The following OSBPL9 variants were observed in gnomAD, a reference collection of about 807,000 sequenced individuals.
OSBPL9 encodes the protein oxysterol binding protein like 9.
Under a neutral mutation model 106.6 loss-of-function variants are expected in OSBPL9, and 40 were observed. The ratio of observed to expected loss-of-function variants is 0.38; its 90% CI spans 0.29 to 0.49. The LOEUF is 0.49. OSBPL9 is among the 20% of genes least tolerant of loss of function. The probability of loss-of-function intolerance (pLI) is 0.97; values close to 1 mark genes in which losing one functional copy is unlikely to be tolerated. For missense variants in OSBPL9, 609 were observed against 887.2 expected (o/e 0.69, Z 3.98); for synonymous variants, 269 against 295.4 (o/e 0.91, Z 0.92).
rs950541997 is a variant in OSBPL9, at chr1:51,620,780, G to T, written c.111+3559G>T. Among the ~76,000 whole-genome samples, 3 of 152,190 alleles carry T rather than the reference G, an allele frequency of 2.0e-5. No homozygotes were observed. In the East Asian group the frequency reaches 5.8e-4, roughly 29 times the overall value. On this transcript the variant is annotated intron_variant, in intron 1 of 23. Transcript: ENST00000428468. ...ATTTGAACTTTATCCCCAGGGCAGT[G>T]GAGAGCTATTTCAGTGTTGTAAGCA...
intron 4 of OSBPL9, among the ~76,000 whole-genome samples, chr1:51,721,887 A>G (rs1662198295): frequency 6.6e-6 from 1 of 152,236 alleles, no homozygotes; most frequent in African/African-American, 2.4e-5. Flanking sequence ...TCAATTTGGA[A>G]CATTTAGAGC....
At chr1:51,605,549 CAG>C (rs1230014290) in intron 2 of OSBPL9, among the ~76,000 whole-genome samples, 2 of 152,078 alleles carry the variant, frequency 1.3e-5, no homozygotes, top group African/African-American at 2.4e-5. Flanking sequence ...ACAGAGAAGA[CAG>C]AAATAGCAGA....
At chr1:51,706,656 TTA>T (rs200805696) in intron 3 of OSBPL9, among the ~76,000 whole-genome samples, 1 of 149,970 alleles carries the variant, frequency 6.7e-6, no homozygotes. Flanking sequence ...CTTTTTGCTT[TTA>T]TATATATATG....
chr1:51,693,201 C>T (rs1268399623), intron 3 of OSBPL9, among the ~76,000 whole-genome samples: 1 of 151,650 alleles, frequency 6.6e-6, no homozygotes, highest in Non-Finnish European at 1.5e-5. Flanking sequence ...TACCGAGACC[C>T]TGTTTCTACA....
chr1:51,772,416 G>C (rs1191913580), intron 13 of OSBPL9, among the ~76,000 whole-genome samples, 189 bp from the exon 14 acceptor site: 1 of 152,220 alleles, frequency 6.6e-6, no homozygotes, highest in Non-Finnish European at 1.5e-5. Flanking sequence ...CAAGGAGGCT[G>C]ATTCAGGAGA....
intron 3 of OSBPL9, among the ~76,000 whole-genome samples, chr1:51,672,574 T>C (rs191040536): frequency 8.9e-4 from 135 of 152,274 alleles, no homozygotes; most frequent in African/African-American, 3.2e-3. Flanking sequence ...GAATTTCACA[T>C]AAATGGAATC....
intron 1 of OSBPL9, among the ~76,000 whole-genome samples, chr1:51,597,661 A>G (rs1645309824): frequency 6.6e-6 from 1 of 152,158 alleles, no homozygotes; most frequent in South Asian, 2.1e-4. Context: ...CATGCCAAGT[A>G]CCCAGAACTG....
At chr1:51,651,018 T>C (rs1646485047) in intron 1 of OSBPL9, among the ~76,000 whole-genome samples, 1 of 152,176 alleles carries the variant, frequency 6.6e-6, no homozygotes, top group African/African-American at 2.4e-5. Context: ...CCCTAAGGTA[T>C]GTGTAGTCTT....
At chr1:51,639,279 A>G (rs1026114657) in intron 1 of OSBPL9, among the ~76,000 whole-genome samples, 13 of 152,250 alleles carry the variant, frequency 8.5e-5, no homozygotes, top group African/African-American at 3.1e-4. Flanking sequence ...TTGCCTGTCA[A>G]GTTTTCCTCC....
intron 7 of OSBPL9, among the ~76,000 whole-genome samples, chr1:51,748,888 C>G (rs189438439): frequency 1.3e-5 from 2 of 152,158 alleles, no homozygotes; most frequent in African/African-American, 4.8e-5. Flanking sequence ...GAGTTCCAGA[C>G]CAGACTGACC....
intron 1 of OSBPL9, among the ~76,000 whole-genome samples, chr1:51,634,692 G>T (rs1645311589): frequency 6.6e-6 from 1 of 152,142 alleles, no homozygotes; most frequent in Non-Finnish European, 1.5e-5. Context: ...ATGAGAGTGA[G>T]AGGAGGAAAC....
chr1:51,711,493 C>T (rs373293657), intron 3 of OSBPL9, among the ~76,000 whole-genome samples: 4 of 52,350 alleles, frequency 7.6e-5, no homozygotes, highest in African/African-American at 1.6e-4. Context: ...CCGGACGGGG[C>T]GGCTGGCCGG....
At chr1:51,536,502 G>T in the OSBPL9 span, among the ~76,000 whole-genome samples, 2 of 151,990 alleles carry the variant, frequency 1.3e-5, no homozygotes, top group Non-Finnish European at 2.9e-5. Flanking sequence ...TATTTTTGTA[G>T]AGGTGGGGTC....
chr1:51,649,736 CTTTTT>C (rs71578080), intron 1 of OSBPL9, among the ~76,000 whole-genome samples: 3 of 96,986 alleles, frequency 3.1e-5, no homozygotes, highest in African/African-American at 1.2e-4. Flanking sequence ...ACATGTTAGT[CTTTTT>C]TTTTTTTTTT....
chr1:51,715,040 A>G (rs1216506752), intron 4 of OSBPL9, among the ~76,000 whole-genome samples: 2 of 152,232 alleles, frequency 1.3e-5, no homozygotes, highest in Non-Finnish European at 2.9e-5. Flanking sequence ...TTTGTGGTAC[A>G]TAGGGGATTT....
intron 1 of OSBPL9, among the ~76,000 whole-genome samples, chr1:51,596,301 C>T (rs1273720948): frequency 6.7e-6 from 1 of 149,870 alleles, no homozygotes; most frequent in Non-Finnish European, 1.5e-5. Context: ...GTGGCTCATG[C>T]CTGTAATCCC....
the OSBPL9 span, among the ~76,000 whole-genome samples, chr1:51,535,814 G>A: frequency 6.0e-3 from 909 of 151,912 alleles, 11 homozygotes; most frequent in African/African-American, 0.021. Flanking sequence ...CCACCCCGCC[G>A]CCCTTGTCTA....
intron 1 of OSBPL9, among the ~76,000 whole-genome samples, chr1:51,642,270 T>G (rs996492134): frequency 6.6e-6 from 1 of 152,230 alleles, no homozygotes; most frequent in Admixed American, 6.5e-5. Flanking sequence ...TTTTTGAGTT[T>G]CCTCTGTGTA....
rs1340547652 is a variant in OSBPL9, at chr1:51,729,938, C to T, written c.319-15598C>T. The T allele has an allele frequency of 3.8e-6, 5 of 1,309,784 alleles. No individual in the cohort carries two copies. The highest frequency in any genetic ancestry group is 3.9e-6 in the Non-Finnish European group (4 of 1,021,148). The allele number at this position is 1,309,784 out of a possible 1,614,324, so 81.1% of individuals were successfully genotyped here. On this transcript the variant is annotated intron_variant, in intron 4 of 23. Transcript: ENST00000428468. This position sits in a 1 kb window ranked among gnomAD's most constrained non-coding sequence, Gnocchi z 5.1. ...GGTGCTCGGGAGCAGCCCCCGGCTA[C>T]CTCCCCTGGAGGCACAGAGGGCGGG...
Sources: gnomAD v4.1 joint callset for allele counts (sites outside exome capture counted in the v4.1 genomes callset) on GRCh38, gnomAD v4.1.1 for gene constraint, Gnocchi (gnomAD v3.1) non-coding constraint, MANE v1.5 for transcripts, NCBI Gene and HGNC (gene_info 2026-07-23, HGNC 2026-07-21) for gene names.